Variants in TTC32 observed in about 807,000 individuals in gnomAD.
TTC32 encodes tetratricopeptide repeat domain 32.
TTC32 carries 16 observed loss-of-function variants against 15.3 expected under a neutral mutation model. The ratio of observed to expected loss-of-function variants is 1.05; its 90% CI spans 0.71 to 1.59. TTC32 has a LOEUF of 1.59. Ranked by LOEUF, TTC32 falls within the 40% of genes most tolerant of loss-of-function variation. TTC32 has a pLI of 0.00. For synonymous variants in TTC32, 89 were observed against 67.8 expected, an observed-to-expected ratio of 1.31 and a Z score of -1.53; for missense variants, 188 against 181.9, an observed-to-expected ratio of 1.03 and a Z score of -0.19.
chr2:19,898,558 A>G (rs1476741457), intron 1 of TTC32: 1 of 152,290 alleles, frequency 6.6e-6, no homozygotes, highest in African/African-American at 2.4e-5. Flanking sequence ...TACGATCCCC[A>G]GGAAGTTATC....
At chr2:19,898,733 G>T (rs1669550235) in intron 1 of TTC32, among the ~76,000 whole-genome samples, 1 of 152,170 alleles carries the variant, frequency 6.6e-6, no homozygotes, top group Non-Finnish European at 1.5e-5. Flanking sequence ...ACTAGAGGTT[G>T]CCCAAAGAGC....
chr2:19,897,200 T>C, intron 2 of TTC32, 74 bp from the exon 3 acceptor site: 1 of 1,458,684 alleles, frequency 6.9e-7, no homozygotes, highest in Non-Finnish European at 9.2e-7. Context: ...GGAAAAGCTT[T>C]GATACATGTA....
intron 1 of TTC32, 151 bp downstream of exon 1, chr2:19,901,555 T>G: frequency 8.9e-7 from 1 of 1,120,726 alleles, no homozygotes; most frequent in Non-Finnish European, 1.2e-6. Flanking sequence ...GCCTAGGCCT[T>G]TCTAGAAAGA....
At position 19,901,889 on chromosome 2, in the gene TTC32, G is replaced by T. The variant is rs752084583; in HGVS notation, c.-35C>A. The stretch of plus-strand genomic sequence containing the variant: ...GGCCTAGTTTTCGGTGTAGAATGGG[G>T]GTTGACCTCCGAGCGGTTAGAGGTG... On this transcript the variant is annotated 5_prime_UTR_variant, in exon 1 of 3. Coordinates refer to ENST00000333610, the MANE Select transcript of TTC32 (RefSeq NM_001008237.3). 6.4e-5 allele frequency: 103 copies of T among 1,612,674 alleles called. No homozygotes were observed. Among genetic ancestry groups the T allele is most frequent in the Non-Finnish European group, 8.5e-5 (100 of 1,179,246 alleles).
Position 19,901,960 on chromosome 2 carries a change from A to C in TTC32, c.-106T>G. ...CACCCTGGAATCTACCTTGACAGCCAACCTTGGCGCTAGGTTTGTGCCTTA... is the reference window on the plus strand; with the variant it reads ...CACCCTGGAATCTACCTTGACAGCCCACCTTGGCGCTAGGTTTGTGCCTTA... On this transcript the variant is annotated 5_prime_UTR_variant, in exon 1 of 3. Coordinates refer to ENST00000333610, the MANE Select transcript of TTC32 (RefSeq NM_001008237.3). The C allele has an allele frequency of 1.4e-6, 2 of 1,396,594 alleles. No homozygotes were observed. The highest frequency in any genetic ancestry group is 2.7e-5 in the South Asian group (2 of 75,262). The allele number at this position is 1,396,594 out of a possible 1,614,324, so 86.5% of individuals were successfully genotyped here.
At chr2:19,900,385 G>C (rs899029866) in intron 1 of TTC32, among the ~76,000 whole-genome samples, 7 of 152,098 alleles carry the variant, frequency 4.6e-5, no homozygotes, top group African/African-American at 1.7e-4. Flanking sequence ...GAAATGAGAA[G>C]GCAATTTTCT....
At chr2:19,897,189 T>G in intron 2 of TTC32, 63 bp from the exon 3 acceptor site, 3 of 1,514,608 alleles carry the variant, frequency 2.0e-6, no homozygotes, top group Non-Finnish European at 2.6e-6. Context: ...ATATTATTCA[T>G]GGAAAAGCTT....
In TTC32 at chr2:19,896,786, A is replaced by G. The variant is rs1370867710; in HGVS notation, c.*201T>C. 3 of 231,540 alleles carry G rather than the reference A, an allele frequency of 1.3e-5. No individual in the cohort carries two copies. The highest frequency in any genetic ancestry group is 1.7e-5 in the Non-Finnish European group (2 of 118,760). 14.3% of individuals were successfully genotyped at this position (231,540 alleles called of 1,614,324 possible). A position where few individuals can be genotyped will look rare whatever the true frequency, so the allele number is the denominator to read the frequency against. On this transcript the variant is annotated 3_prime_UTR_variant, in exon 3 of 3. Coordinates refer to ENST00000333610, the MANE Select transcript of TTC32 (RefSeq NM_001008237.3). The stretch of plus-strand genomic sequence containing the variant: ...TATAATATTTAATATAATAATATAC[A>G]CTTATACATTGGTATTATTTACACT...
At chr2:19,901,478 T>C in intron 1 of TTC32, 2 of 557,666 alleles carry the variant, frequency 3.6e-6, no homozygotes, top group Non-Finnish European at 6.1e-6. Flanking sequence ...CTCCGCACCG[T>C]CGCGGCAGCT....
intron 1 of TTC32, among the ~76,000 whole-genome samples, chr2:19,899,681 T>A (rs914340426): frequency 6.7e-6 from 1 of 148,344 alleles, no homozygotes; most frequent in African/African-American, 2.5e-5. Context: ...AAATATTTTT[T>A]ATATATATAT....
chr2:19,896,850 T>G lies in TTC32; in HGVS notation c.*137A>C. ...CCCATTCAACCTGAAATTAACTACC[T>G]TAAACACACTATTTAACTTTCAGTG... On this transcript the variant is annotated 3_prime_UTR_variant, in exon 3 of 3. Coordinates refer to ENST00000333610, the MANE Select transcript of TTC32 (RefSeq NM_001008237.3). 1.2e-6 allele frequency: 1 copy of G among 806,134 alleles called. No homozygotes were observed. The highest frequency in any genetic ancestry group is 1.8e-6 in the Non-Finnish European group (1 of 561,062). The allele number at this position is 806,134 out of a possible 1,614,324, so 49.9% of individuals were successfully genotyped here. A position where few individuals can be genotyped will look rare whatever the true frequency, so the allele number is the denominator to read the frequency against.
intron 1 of TTC32, chr2:19,900,925 T>C (rs1003775447): frequency 3.1e-6 from 1 of 327,178 alleles, no homozygotes; most frequent in Non-Finnish European, 6.4e-6. Flanking sequence ...CAAGAATCGG[T>C]TTCCTCAACA....
intron 1 of TTC32, among the ~76,000 whole-genome samples, chr2:19,899,878 T>C (rs1338447098): frequency 6.6e-6 from 1 of 152,092 alleles, no homozygotes; most frequent in Non-Finnish European, 1.5e-5. Context: ...ACCCAATACT[T>C]AGAAAATAAA....
Position 19,901,882 on chromosome 2 carries a change from G to T in TTC32, c.-28C>A. On this transcript the variant is annotated 5_prime_UTR_variant, in exon 1 of 3. Transcript: ENST00000333610. ...CAGCCAAGGCCTAGTTTTCGGTGTA[G>T]AATGGGGGTTGACCTCCGAGCGGTT... is the stretch of plus-strand genomic sequence containing the variant. 1.2e-6 allele frequency: 2 copies of T among 1,613,424 alleles called. No individual in the cohort carries two copies. Among genetic ancestry groups the T allele is most frequent in the Non-Finnish European group, 1.7e-6 (2 of 1,179,588 alleles).
chr2:19,900,992 TG>T (rs1344791939), intron 1 of TTC32: 1 of 454,190 alleles, frequency 2.2e-6, no homozygotes. Context: ...TATCCTGACT[TG>T]AACTAACTGC....
chr2:19,899,738 T>C (rs893396676), intron 1 of TTC32, among the ~76,000 whole-genome samples: 4 of 151,114 alleles, frequency 2.6e-5, no homozygotes, highest in African/African-American at 9.7e-5. Context: ...TGTGTATATA[T>C]ATACACACAC....
intron 1 of TTC32, among the ~76,000 whole-genome samples, chr2:19,900,204 T>TA (rs937392321): frequency 6.6e-6 from 1 of 152,236 alleles, no homozygotes; most frequent in African/African-American, 2.4e-5. Flanking sequence ...CTGATGCTGA[T>TA]AAATACTTTT....
chr2:19,900,417 C>A (rs1669582379), intron 1 of TTC32, among the ~76,000 whole-genome samples: 1 of 152,120 alleles, frequency 6.6e-6, no homozygotes, highest in Non-Finnish European at 1.5e-5. Context: ...TTCCATGTAG[C>A]GTAACAAACA....
At position 19,897,924 on chromosome 2, in the gene TTC32, G is replaced by A; in HGVS notation, c.261C>T (p.Val87=). ...AMDDYTSAIE[V]QPNFEVPYYN... ...AATATGGAACTTCAAAATTGGGTTG[G>A]ACTTCTATGGCAGATGTGTAGTCAT... Residue 87 remains valine (V), a synonymous_variant, in exon 2 of 3, where the codon GTC becomes GTT. Transcript: ENST00000333610. 3 of 1,612,344 alleles carry A rather than the reference G, an allele frequency of 1.9e-6. No individual in the cohort carries two copies. In the South Asian group the frequency reaches 3.3e-5, roughly 18 times the overall value.
Sources: allele counts gnomAD v4.1 joint callset (sites outside exome capture counted in the v4.1 genomes callset), GRCh38; gene constraint gnomAD v4.1.1; transcripts MANE v1.5; gene names NCBI Gene and HGNC (gene_info 2026-07-23, HGNC 2026-07-21).